PVT1: variants seen among roughly 807,000 people sequenced by gnomAD.
PVT1 encodes Pvt1 oncogene.
intron 2 of PVT1, among the ~76,000 whole-genome samples, chr8:127,840,539 G>C (rs900807950): frequency 2.0e-5 from 3 of 152,224 alleles, no homozygotes; most frequent in African/African-American, 7.2e-5. Flanking sequence ...CTTGAATCCT[G>C]TTTGGATCTC....
intron 2 of PVT1, among the ~76,000 whole-genome samples, chr8:127,858,802 A>ATTTTTTTTTTTTTT (rs1442302514): frequency 2.6e-5 from 1 of 38,310 alleles, no homozygotes; most frequent in Admixed American, 2.4e-4. Context: ...ACACTTGAAG[A>ATTTTTTTTTTTTTT]TTCTTTTTTT....
chr8:127,796,945 T>C (rs1814403739), intron 2 of PVT1, among the ~76,000 whole-genome samples: 1 of 151,442 alleles, frequency 6.6e-6, no homozygotes, highest in Non-Finnish European at 1.5e-5. Flanking sequence ...ATGGCTGGAT[T>C]TCAGCTCACT....
chr8:128,056,963 A>G (rs1316385059), intron 4 of PVT1, among the ~76,000 whole-genome samples: 1 of 152,228 alleles, frequency 6.6e-6, no homozygotes, highest in African/African-American at 2.4e-5. Flanking sequence ...AGAGGAGTGC[A>G]GAACACAGGG....
intron 3 of PVT1, among the ~76,000 whole-genome samples, chr8:127,957,147 T>C (rs1325881450): frequency 6.6e-6 from 1 of 152,256 alleles, no homozygotes; most frequent in East Asian, 1.9e-4. Context: ...AGATGCCAAG[T>C]CACTTGCCCC....
intron 3 of PVT1, among the ~76,000 whole-genome samples, chr8:127,904,524 A>C (rs888252400): frequency 6.6e-6 from 1 of 152,154 alleles, no homozygotes; most frequent in Non-Finnish European, 1.5e-5. Context: ...GTGTGTGTCT[A>C]TCTCTGGCCT....
At chr8:127,798,607 C>A (rs1814425427) in intron 2 of PVT1, among the ~76,000 whole-genome samples, 1 of 150,784 alleles carries the variant, frequency 6.6e-6, no homozygotes, top group Non-Finnish European at 1.5e-5. Context: ...ACCCGTAATC[C>A]CAGCACTTTG....
intron 3 of PVT1, among the ~76,000 whole-genome samples, chr8:127,982,546 A>T (rs992282638): frequency 1.3e-5 from 2 of 152,002 alleles, no homozygotes; most frequent in South Asian, 2.1e-4. Flanking sequence ...TCAGTGGCTC[A>T]TGCCTGTGAT....
intron 3 of PVT1, chr8:127,960,637 G>A (rs1235366012): frequency 1.9e-6 from 1 of 519,274 alleles, no homozygotes; most frequent in African/African-American, 2.0e-5. Flanking sequence ...ATCACTGAAG[G>A]CCTCTGCAGG....
intron 2 of PVT1, among the ~76,000 whole-genome samples, chr8:127,863,242 G>T (rs995657604): frequency 6.6e-6 from 1 of 152,018 alleles, no homozygotes; most frequent in Non-Finnish European, 1.5e-5. Flanking sequence ...CTCCCGAGTT[G>T]CTGGGATTAC....
At chr8:128,023,929 G>A (rs189140045) in intron 4 of PVT1, among the ~76,000 whole-genome samples, 1 of 152,310 alleles carries the variant, frequency 6.6e-6, no homozygotes, top group Admixed American at 6.5e-5. Context: ...TTGGGCATTT[G>A]CTCTACGCCA....
At chr8:127,813,979 C>A (rs569211372) in intron 2 of PVT1, among the ~76,000 whole-genome samples, 1 of 152,170 alleles carries the variant, frequency 6.6e-6, no homozygotes, top group African/African-American at 2.4e-5. Context: ...GACGGGGTTT[C>A]GCTATGTTGG....
At chr8:127,827,293 A>G (rs1814801500) in intron 2 of PVT1, among the ~76,000 whole-genome samples, 1 of 151,524 alleles carries the variant, frequency 6.6e-6, no homozygotes, top group Admixed American at 6.6e-5. Context: ...ACCACACCCG[A>G]CCTAGCCCCA....
rs189900807 is a variant in PVT1 at position 127,814,646 on chromosome 8, G to A, written n.372+18575G>A. ...CAGACAGTTTATTTTTAATTTTTAT[G>A]TGTAAAATGTTTTTACTGTGGTAAA... On this transcript the variant is annotated intron_variant and non_coding_transcript_variant, in intron 2 of 10. Transcript: ENST00000651587. Among the ~76,000 whole-genome samples the A allele has an allele frequency of 1.7e-3, 256 of 152,284 alleles. 1 individual carries two copies. The highest frequency in any genetic ancestry group is 5.9e-3 in the African/African-American group (245 of 41,566).
chr8:127,838,253 T>TC, intron 2 of PVT1, among the ~76,000 whole-genome samples: 1 of 152,300 alleles, frequency 6.6e-6, no homozygotes, highest in East Asian at 1.9e-4. Context: ...ATATATCACA[T>TC]CACAATTTGC....
intron 3 of PVT1, among the ~76,000 whole-genome samples, chr8:127,897,887 GAAAGAAAGAAAGA>G (rs1815704876): frequency 1.8e-5 from 2 of 113,066 alleles, no homozygotes; most frequent in African/African-American, 6.9e-5. Flanking sequence ...AAGAAAGAAA[GAAAGAAAGAAAGA>G]AAAAAAGACA....
At chr8:128,062,165 G>C (rs536986795) in intron 4 of PVT1, among the ~76,000 whole-genome samples, 12 of 152,350 alleles carry the variant, frequency 7.9e-5, no homozygotes, top group African/African-American at 2.9e-4. Flanking sequence ...GGTGATGGGG[G>C]CACTTGGAGG....
chr8:127,886,099 G>A (rs1174421728), intron 2 of PVT1, among the ~76,000 whole-genome samples: 1 of 151,778 alleles, frequency 6.6e-6, no homozygotes, highest in Non-Finnish European at 1.5e-5. Flanking sequence ...TCTGTCTCAA[G>A]GAAAAAATAA....
intron 4 of PVT1, among the ~76,000 whole-genome samples, chr8:128,011,257 A>C (rs543893901): frequency 3.2e-4 from 48 of 152,304 alleles, no homozygotes; most frequent in African/African-American, 1.1e-3. Flanking sequence ...TTAGCAAGAT[A>C]ATCTTTTGTG....
intron 3 of PVT1, among the ~76,000 whole-genome samples, chr8:127,984,873 CTTTCTTTCTTT>C (rs1816931586): frequency 1.2e-5 from 1 of 83,130 alleles, no homozygotes; most frequent in Non-Finnish European, 2.5e-5. Context: ...TTCTTTCTTT[CTTTCTTTCTTT>C]CTTTCTTTCT....
Sources: gnomAD v4.1 joint callset for allele counts (sites outside exome capture counted in the v4.1 genomes callset) on GRCh38, gnomAD v4.1.1 for gene constraint, MANE v1.5 for transcripts, NCBI Gene and HGNC (gene_info 2026-07-23, HGNC 2026-07-21) for gene names.